Variants in EFCAB6 observed in about 807,000 individuals in gnomAD.
The protein encoded by EFCAB6 is EF-hand calcium binding domain 6.
Under a neutral mutation model 169.8 loss-of-function variants are expected in EFCAB6, and 156 were observed. The observed-to-expected ratio is 0.92, with a 90% confidence interval of 0.81 to 1.05. The LOEUF (loss-of-function observed/expected upper bound fraction) is 1.05. Among genes scored for constraint, EFCAB6 ranks in the 50% least tolerant of loss-of-function variants. The probability of loss-of-function intolerance (pLI) is 0.00; values close to 1 mark genes in which losing one functional copy is unlikely to be tolerated. For synonymous variants in EFCAB6, 698 were observed against 676.4 expected (o/e 1.03, Z -0.50); for missense variants, 1,800 against 1,829.1 (o/e 0.98, Z 0.29).
At chr22:43,784,640 TAC>T (rs1434602065) in intron 2 of EFCAB6, among the ~76,000 whole-genome samples, 1 of 62,456 alleles carries the variant, frequency 1.6e-5, no homozygotes, top group East Asian at 6.9e-4. Context: ...TATGTATATG[TAC>T]ACATATATAT....
chr22:43,577,453 G>A (rs1165260848), intron 25 of EFCAB6, among the ~76,000 whole-genome samples: 1 of 152,172 alleles, frequency 6.6e-6, no homozygotes, highest in African/African-American at 2.4e-5. Context: ...GTAGTTCATG[G>A]TAACATGAGG....
At chr22:43,567,848 T>C (rs1311799439) in intron 26 of EFCAB6, among the ~76,000 whole-genome samples, 2 of 152,126 alleles carry the variant, frequency 1.3e-5, no homozygotes, top group Admixed American at 6.5e-5. Flanking sequence ...ACAAAGTAAG[T>C]AGGGCTCAGT....
chr22:43,588,740 C>T (rs912335132), intron 24 of EFCAB6, among the ~76,000 whole-genome samples: 3 of 151,432 alleles, frequency 2.0e-5, no homozygotes, highest in Non-Finnish European at 2.9e-5. Flanking sequence ...TGACGTGTCT[C>T]GATGGATTGG....
At chr22:43,667,413 G>T in intron 16 of EFCAB6, 141 bp from the exon 17 acceptor site, 1 of 1,069,710 alleles carries the variant, frequency 9.3e-7, no homozygotes, top group Non-Finnish European at 1.3e-6. Context: ...AGGGTGGAGT[G>T]ACTCAGGGGC....
At chr22:43,723,448 T>A (rs1195029104) in intron 8 of EFCAB6, among the ~76,000 whole-genome samples, 1 of 152,144 alleles carries the variant, frequency 6.6e-6, no homozygotes, top group African/African-American at 2.4e-5. Context: ...TGAATTTTTT[T>A]AAAAAAGAGA....
chr22:43,564,525 T>C (rs2049297765), intron 26 of EFCAB6, among the ~76,000 whole-genome samples: 1 of 151,682 alleles, frequency 6.6e-6, no homozygotes. Flanking sequence ...ACTTTTGTCC[T>C]GCAAGGAACT....
intron 2 of EFCAB6, among the ~76,000 whole-genome samples, chr22:43,794,281 T>G (rs1173804755): frequency 6.6e-6 from 1 of 152,228 alleles, no homozygotes; most frequent in East Asian, 1.9e-4. Context: ...TCTATTTTGC[T>G]GGGCACTGGG....
In EFCAB6 at chr22:43,687,579, A is replaced by C. The variant is rs550380194; in HGVS notation, c.1034T>G (p.Phe345Cys). ...GATTTTAGTGGTGGCTTTAAGTCCA[A>C]ATCTGGATTTAAAAGTAACAACAAA... ...RRIFIQLMKRFGLKATTKINW... is the reference protein window; with the variant it reads ...RRIFIQLMKRCGLKATTKINW... Residue 345 changes from phenylalanine (F) to cysteine (C), a missense_variant and splice_region_variant, in exon 11 of 32, where the codon TTT becomes TGT. Transcript: ENST00000262726. The C allele has an allele frequency of 1.7e-5, 27 of 1,567,974 alleles. No homozygotes were observed. The highest frequency in any genetic ancestry group is 2.3e-5 in the Non-Finnish European group (27 of 1,151,414).
chr22:43,695,310 A>G (rs983762754), intron 10 of EFCAB6, among the ~76,000 whole-genome samples: 4 of 152,082 alleles, frequency 2.6e-5, no homozygotes, highest in African/African-American at 9.7e-5. Context: ...GCAAGATCCG[A>G]ACATTGTAAA....
intron 4 of EFCAB6, among the ~76,000 whole-genome samples, chr22:43,771,922 C>G (rs1253278242): frequency 6.6e-6 from 1 of 152,254 alleles, no homozygotes; most frequent in Non-Finnish European, 1.5e-5. Context: ...CCTGAGTAAG[C>G]ATGGCAGGCG....
intron 22 of EFCAB6, among the ~76,000 whole-genome samples, chr22:43,601,595 T>A (rs9614234): frequency 0.2 from 30,922 of 152,230 alleles, 3,322 homozygotes; most frequent in Middle Eastern, 0.26. Context: ...TCCTGGAGGA[T>A]CTACGGAACC....
chr22:43,705,626 C>A (rs1169377360), intron 10 of EFCAB6, among the ~76,000 whole-genome samples: 1 of 151,880 alleles, frequency 6.6e-6, no homozygotes, highest in East Asian at 1.9e-4. Context: ...CTTGAACAAC[C>A]AATAGATAAT....
At chr22:43,546,629 G>A (rs932963338) in intron 27 of EFCAB6, among the ~76,000 whole-genome samples, 2 of 152,150 alleles carry the variant, frequency 1.3e-5, no homozygotes, top group Admixed American at 1.3e-4. Context: ...CCAGCACTTT[G>A]GGAGGCCAAG....
intron 4 of EFCAB6, among the ~76,000 whole-genome samples, chr22:43,771,750 T>C (rs1469163264): frequency 2.0e-5 from 3 of 152,152 alleles, no homozygotes; most frequent in African/African-American, 4.8e-5. Flanking sequence ...TCCCTCCCCA[T>C]GTAACTGCAT....
At chr22:43,725,247 T>C (rs112255901) in intron 8 of EFCAB6, among the ~76,000 whole-genome samples, 66 of 150,502 alleles carry the variant, frequency 4.4e-4, no homozygotes, top group African/African-American at 1.5e-3. Context: ...GTTCAAGCAA[T>C]TCTCCTGCCT....
intron 27 of EFCAB6, 141 bp from the exon 28 acceptor site, chr22:43,540,498 T>TA (rs776148219): frequency 6.5e-7 from 1 of 1,534,312 alleles, no homozygotes; most frequent in African/African-American, 1.4e-5. Context: ...ATTAAAAAAA[T>TA]AAAACGCCCA....
At chr22:43,788,018 T>C (rs2062144104) in intron 2 of EFCAB6, among the ~76,000 whole-genome samples, 1 of 152,162 alleles carries the variant, frequency 6.6e-6, no homozygotes. Flanking sequence ...AGTAGTCTTT[T>C]CAACGAACAG....
intron 23 of EFCAB6, 39 bp from the exon 24 acceptor site, chr22:43,590,268 GA>G (rs780871159): frequency 1.3e-6 from 2 of 1,590,958 alleles, no homozygotes; most frequent in Non-Finnish European, 1.7e-6. Flanking sequence ...CTAAAATCAG[GA>G]AAACAAATAA....
At chr22:43,530,055 A>G (rs1186545712) in intron 31 of EFCAB6, among the ~76,000 whole-genome samples, 1 of 152,210 alleles carries the variant, frequency 6.6e-6, no homozygotes, top group Non-Finnish European at 1.5e-5. Flanking sequence ...ATGAAGGCAG[A>G]AAAGGAAGCT....
Sources: gnomAD v4.1 joint callset for allele counts (sites outside exome capture counted in the v4.1 genomes callset) on GRCh38, gnomAD v4.1.1 for gene constraint, MANE v1.5 for transcripts, NCBI Gene and HGNC (gene_info 2026-07-23, HGNC 2026-07-21) for gene names.